The following SH3TC1 variants were observed in gnomAD, a reference collection of about 807,000 sequenced individuals.
SH3TC1 encodes the protein SH3 domain and tetratricopeptide repeats 1, also known as SH3 domain and tetratricopeptide repeat-containing protein 1.
SH3TC1 carries 135 observed loss-of-function variants against 117.3 expected under a neutral mutation model. The observed-to-expected ratio is 1.15, with a 90% CI of 1.00 to 1.33. The LOEUF is 1.33. Ranked by LOEUF, SH3TC1 falls within the 40% of genes most tolerant of loss-of-function variation. The probability of loss-of-function intolerance (pLI) is 0.00; values close to 1 mark genes in which losing one functional copy is unlikely to be tolerated. For synonymous variants in SH3TC1, 898 were observed against 816.9 expected (o/e 1.10, Z -1.69); for missense variants, 2,092 against 1,794.3 (o/e 1.17, Z -3.00).
At chr4:8,230,895 T>G (rs755403747) in intron 12 of SH3TC1, among the ~76,000 whole-genome samples, 1 of 150,696 alleles carries the variant, frequency 6.6e-6, no homozygotes, top group Non-Finnish European at 1.5e-5. Context: ...TTCTCCTGCC[T>G]CGGCCTCCTG....
rs1449536621 is a variant in SH3TC1, at chr4:8,237,504, A to G, written c.3587A>G (p.His1196Arg). 2.5e-6 allele frequency: 4 copies of G among 1,602,334 alleles called. No individual in the cohort carries two copies. The highest frequency in any genetic ancestry group is 3.4e-6 in the Non-Finnish European group (4 of 1,175,116). The change falls in exon 17 of 18, where the codon CAC becomes CGC. Residue 1196 changes from histidine (H) to arginine (R), a missense_variant. Coordinates refer to ENST00000245105, the MANE Select transcript of SH3TC1 (RefSeq NM_018986.5). ...CGGCTGAACGAGCGCGTGGCCTACC[A>G]CCGGCTGGCCGCCCTGCAACACCGA... ...GDRLNERVAY[H>R]RLAALQHRLG...
intron 16 of SH3TC1, chr4:8,236,968 G>C (rs1330620927): frequency 6.1e-6 from 1 of 162,944 alleles, no homozygotes; most frequent in East Asian, 1.8e-4. Flanking sequence ...AGCCGCGTGG[G>C]AATGCATTGA....
intron 1 of SH3TC1, among the ~76,000 whole-genome samples, chr4:8,202,027 G>C (rs1209671739): frequency 1.3e-5 from 2 of 152,242 alleles, no homozygotes; most frequent in Non-Finnish European, 2.9e-5. Flanking sequence ...AAACCAGGGA[G>C]CTCGCATGCC....
Position 8,240,896 on chromosome 4 carries a change from C to T in SH3TC1, c.3952C>T (p.Leu1318=), listed in dbSNP as rs1722278848. The change falls in exon 18 of 18, where the codon CTG becomes TTG. Residue 1318 remains leucine (L), a synonymous_variant. Transcript: ENST00000245105. The part of the protein sequence containing the change: ...ATELNVRRVN[L]PPLPLCGWAP... ...AGAGCTCAACGTCCGCAGGGTCAACCTGCCTCCTCTGCCACTCTGCGGGTG... is the reference window on the plus strand; with the variant it reads ...AGAGCTCAACGTCCGCAGGGTCAACTTGCCTCCTCTGCCACTCTGCGGGTG... The T allele has an allele frequency of 1.9e-6, 3 of 1,612,998 alleles. No individual in the cohort carries two copies. The highest frequency in any genetic ancestry group is 2.2e-5 in the South Asian group (2 of 91,090).
intron 13 of SH3TC1, chr4:8,232,475 T>A (rs752479465): frequency 6.9e-7 from 1 of 1,444,278 alleles, no homozygotes; most frequent in South Asian, 1.1e-5. Flanking sequence ...GTGGCTTTTG[T>A]CATCTGACCT....
At chr4:8,226,892 G>C in intron 11 of SH3TC1, 88 bp from the exon 12 acceptor site, 1 of 963,530 alleles carries the variant, frequency 1.0e-6, no homozygotes, top group Non-Finnish European at 1.5e-6. Flanking sequence ...CGGGGACACA[G>C]AGGCTGGGGA....
At chr4:8,213,485 T>C (rs1561688522) in intron 4 of SH3TC1, among the ~76,000 whole-genome samples, 2 of 152,206 alleles carry the variant, frequency 1.3e-5, no homozygotes, top group Non-Finnish European at 2.9e-5. Context: ...GGACACATAG[T>C]ACCTGCTCAA....
At chr4:8,220,516 G>A (rs1719818940) in intron 9 of SH3TC1, among the ~76,000 whole-genome samples, 2 of 152,210 alleles carry the variant, frequency 1.3e-5, no homozygotes, top group African/African-American at 4.8e-5. Context: ...TCACTGCCCA[G>A]TGCGAGCAGC....
rs751904097 is a variant in SH3TC1 at position 8,237,691 on chromosome 4, C to T, written c.3753+21C>T. On this transcript the variant is annotated intron_variant, in intron 17 of 17. Transcript: ENST00000245105. ...TGAAGGTGGGTGGGGAGGGGCTGGG[C>T]TCAGGGTGTTCCCGGCCCCCTTGGA... The T allele has an allele frequency of 1.6e-5, 25 of 1,577,158 alleles. No individual in the cohort carries two copies. The East Asian group carries it at 5.0e-4, about 32-fold the overall frequency.
intron 14 of SH3TC1, 43 bp downstream of exon 14, chr4:8,233,556 T>C: frequency 1.3e-6 from 2 of 1,543,832 alleles, no homozygotes; most frequent in Non-Finnish European, 1.7e-6. Flanking sequence ...ACATGTTCAC[T>C]CTCCATCCAT....
upstream of SH3TC1, among the ~76,000 whole-genome samples, chr4:8,196,087 G>A (rs937487083): frequency 2.6e-5 from 4 of 152,240 alleles, no homozygotes; most frequent in Admixed American, 6.5e-5. The surrounding 1 kb of genome is among the most constrained non-coding windows in gnomAD (Gnocchi z 4.6). Context: ...GAGAGGACCC[G>A]GCACGGGCAT....
In SH3TC1 at chr4:8,216,952, T is replaced by G. The variant is rs754168470; in HGVS notation, c.629-5T>G. On this transcript the variant is annotated splice_region_variant and splice_polypyrimidine_tract_variant and intron_variant, in intron 6 of 17. Coordinates refer to ENST00000245105, the MANE Select transcript of SH3TC1 (RefSeq NM_018986.5). ...CCCTCAGTGACCACCTCCATCCTTT[T>G]GAAGGGCCCTTCTTTGTCCTGTGTC... 1.9e-6 allele frequency: 3 copies of G among 1,614,060 alleles called. No individual in the cohort carries two copies. The East Asian group carries it at 6.7e-5, about 36-fold the overall frequency.
chr4:8,223,701 C>A (rs144026755), intron 10 of SH3TC1, among the ~76,000 whole-genome samples: 1 of 149,976 alleles, frequency 6.7e-6, no homozygotes, highest in Non-Finnish European at 1.5e-5. Context: ...GGCATGATCT[C>A]GGCTCACTGC....
intron 1 of SH3TC1, among the ~76,000 whole-genome samples, chr4:8,193,468 C>T (rs1421840771): frequency 2.0e-5 from 3 of 152,210 alleles, no homozygotes; most frequent in East Asian, 3.8e-4. Context: ...AAACCCTTTA[C>T]GCCCCTGCTT....
chr4:8,214,345 T>A (rs1045091532), intron 4 of SH3TC1, 130 bp from the exon 5 acceptor site: 3 of 750,032 alleles, frequency 4.0e-6, no homozygotes, highest in Admixed American at 2.7e-5. Flanking sequence ...TGTGAAGGAA[T>A]CTGCCCTGGG....
Position 8,206,832 on chromosome 4 carries a change from C to CATGTGT in SH3TC1, c.172+1466_172+1467insATGTGT, listed in dbSNP as rs968250804. Among the ~76,000 whole-genome samples, 4 of 144,754 alleles carry CATGTGT rather than the reference C, an allele frequency of 2.8e-5. No individual in the cohort carries two copies. The highest frequency in any genetic ancestry group is 3.5e-3 in the Middle Eastern group (1 of 286). The allele number at this position is 144,754 out of a possible 152,430, so 95.0% of individuals were successfully genotyped here. On this transcript the variant is annotated intron_variant, in intron 2 of 17. Transcript: ENST00000245105. The surrounding 1 kb of genome is among the most constrained non-coding windows in gnomAD (Gnocchi z 5.5). Reference sequence around the variant, plus strand: ...AGGACTTTTACTTTGTGTGTGTACTCGTGTGTGTGTGTGTGTGTGTGTGTG... The same window carrying CATGTGT: ...AGGACTTTTACTTTGTGTGTGTACTCATGTGTGTGTGTGTGTGTGTGTGTGTGTGTG...
rs567748570 is a variant in SH3TC1 at position 8,219,597 on chromosome 4, G to C, written c.1112+67G>C. 2.5e-5 allele frequency: 35 copies of C among 1,391,798 alleles called. 1 individual carries two copies. The South Asian group carries it at 5.3e-4, about 21-fold the overall frequency. 86.2% of individuals were successfully genotyped at this position (1,391,798 alleles called of 1,614,324 possible). On this transcript the variant is annotated intron_variant, in intron 9 of 17. Coordinates refer to ENST00000245105, the MANE Select transcript of SH3TC1 (RefSeq NM_018986.5). ...ATCTCACCTAAGGGGACGTTGCTGC[G>C]TCCACCTGGCTCCCCAGGTAACAAG...
upstream of SH3TC1, among the ~76,000 whole-genome samples, chr4:8,197,724 C>T (rs1578641370): frequency 6.9e-5 from 1 of 14,454 alleles, no homozygotes; most frequent in Non-Finnish European, 5.7e-4. Context: ...TTCAGGGCAG[C>T]GAGGGGCATG....
At chr4:8,213,131 C>CCTG in intron 4 of SH3TC1, 1 of 408,148 alleles carries the variant, frequency 2.5e-6, no homozygotes, top group Non-Finnish European at 4.4e-6. Flanking sequence ...CTGTCAAAGT[C>CCTG]TCTTTGATGG....
Sources: allele counts gnomAD v4.1 joint callset (sites outside exome capture counted in the v4.1 genomes callset), GRCh38; gene constraint gnomAD v4.1.1; non-coding constraint Gnocchi (gnomAD v3.1); transcripts MANE v1.5; gene names NCBI Gene and HGNC (gene_info 2026-07-23, HGNC 2026-07-21).